VGLL2: variants seen among roughly 807,000 people sequenced by gnomAD.
VGLL2 encodes vestigial like family member 2.
Under a neutral mutation model 27.0 loss-of-function variants are expected in VGLL2, and 18 were observed. The ratio of observed to expected loss-of-function variants is 0.67; its 90% confidence interval spans 0.46 to 0.99. The LOEUF (loss-of-function observed/expected upper bound fraction) is 0.99, where lower values mean the gene tolerates loss of function less well. Among genes scored for constraint, VGLL2 ranks in the 50% least tolerant of loss-of-function variants. The pLI, the probability that VGLL2 is intolerant of heterozygous loss-of-function variation, is 0.00. For missense variants in VGLL2, 491 were observed against 452.3 expected (o/e 1.09, Z -0.78); for synonymous variants, 220 against 201.1 (o/e 1.09, Z -0.80).
At position 117,268,295 on chromosome 6, in the gene VGLL2, G is replaced by C. The variant is rs774771446; in HGVS notation, c.195G>C (p.Glu65Asp). Reference protein sequence around the residue: ...FSSQTPASIKEEEGSPEKERP... With the variant: ...FSSQTPASIKDEEGSPEKERP... ...GCCAAACCCCAGCCAGTATAAAAGA[G>C]GAAGAAGGCAGCCCAGAGAAAGAGC... Residue 65 changes from glutamate (E) to aspartate (D), a missense_variant, in exon 2 of 4, where the codon GAG (glutamate) becomes GAC (aspartate). By Grantham distance (45) the Glu-to-Asp change is conservative (BLOSUM62 2). Coordinates refer to ENST00000326274, the MANE Select transcript of VGLL2 (RefSeq NM_182645.3). 6.2e-7 allele frequency: 1 copy of C among 1,614,182 alleles called. No homozygotes were observed. The highest frequency in any genetic ancestry group is 1.7e-5 in the Admixed American group (1 of 60,018).
intron 1 of VGLL2, among the ~76,000 whole-genome samples, 178 bp from the exon 2 acceptor site, chr6:117,268,004 G>A (rs946700454): frequency 2.0e-5 from 3 of 152,104 alleles, no homozygotes; most frequent in Non-Finnish European, 4.4e-5. Context: ...GTGCAGGTTG[G>A]GAGGCCTGCT....
At position 117,271,028 on chromosome 6, in the gene VGLL2, G is replaced by T; in HGVS notation, c.877G>T (p.Asp293Tyr). 8.1e-7 allele frequency: 1 copy of T among 1,232,638 alleles called. No homozygotes were observed. The highest frequency in any genetic ancestry group is 1.0e-6 in the Non-Finnish European group (1 of 990,436). 76.4% of individuals were successfully genotyped at this position (1,232,638 alleles called of 1,614,324 possible). ...GGGACCCTTCGCGAGCCCCTCGGGG[G>T]ACGTGGCCCAGGGTCTGGGCCTCAG... ...PGGPFASPSG[D>Y]VAQGLGLSVD... Residue 293 changes from aspartate (D) to tyrosine (Y), a missense_variant, in exon 3 of 4, where the codon GAC becomes TAC. Coordinates refer to ENST00000326274, the MANE Select transcript of VGLL2 (RefSeq NM_182645.3).
chr6:117,266,356 G>A (rs551992916), intron 1 of VGLL2, among the ~76,000 whole-genome samples: 24 of 152,274 alleles, frequency 1.6e-4, no homozygotes. Flanking sequence ...TGGCGACCAG[G>A]GCAATTAATT....
At chr6:117,271,105 G>C (rs984760583) in intron 3 of VGLL2, 41 bp downstream of exon 3, 16 of 1,205,024 alleles carry the variant, frequency 1.3e-5, no homozygotes, top group Non-Finnish European at 1.5e-5. Flanking sequence ...GAGCCGCTCG[G>C]CCCCGTACCC....
chr6:117,265,716 A>G lies in VGLL2; in HGVS notation c.-48A>G, dbSNP rs1773052145. The G allele has an allele frequency of 1.3e-6, 2 of 1,545,264 alleles. No individual in the cohort carries two copies. Among genetic ancestry groups the G allele is most frequent in the Non-Finnish European group, 1.8e-6 (2 of 1,118,410 alleles). On this transcript the variant is annotated 5_prime_UTR_variant, in exon 1 of 4. Transcript: ENST00000326274. Reference sequence around the variant, plus strand: ...CATGCAGCACCCCTGAGCTCCGGGGAAGGAGAGTTAATGAAAAAACACTTA... The same window carrying G: ...CATGCAGCACCCCTGAGCTCCGGGGGAGGAGAGTTAATGAAAAAACACTTA...
intron 1 of VGLL2, 126 bp downstream of exon 1, chr6:117,265,970 G>A (rs866318124): frequency 1.4e-5 from 12 of 835,648 alleles, no homozygotes; most frequent in East Asian, 1.3e-4. Flanking sequence ...CGGCGCAGCC[G>A]GGATGCGGGG....
intron 1 of VGLL2, among the ~76,000 whole-genome samples, chr6:117,267,170 C>G (rs571454676): frequency 3.9e-5 from 6 of 152,280 alleles, no homozygotes; most frequent in Non-Finnish European, 5.9e-5. Context: ...TCCCAGACCC[C>G]GAACCAATCT....
intron 1 of VGLL2, among the ~76,000 whole-genome samples, chr6:117,266,502 C>T (rs748120193): frequency 3.9e-5 from 6 of 152,320 alleles, no homozygotes; most frequent in South Asian, 2.1e-4. Context: ...TGCCTTTCTC[C>T]AGCCTGAGTA....
chr6:117,271,620 G>T (rs1377492927), intron 3 of VGLL2, among the ~76,000 whole-genome samples: 1 of 151,748 alleles, frequency 6.6e-6, no homozygotes, highest in African/African-American at 2.4e-5. Flanking sequence ...TCCAATTCTG[G>T]CTACTAGAAT....
intron 2 of VGLL2, among the ~76,000 whole-genome samples, chr6:117,269,015 A>G (rs928480255): frequency 9.2e-5 from 14 of 152,230 alleles, no homozygotes; most frequent in South Asian, 2.1e-4. Flanking sequence ...CTGTTTGAGA[A>G]TGTCTCCTAA....
At chr6:117,266,033 G>T (rs1582496185) in intron 1 of VGLL2, among the ~76,000 whole-genome samples, 189 bp downstream of exon 1, 3 of 152,248 alleles carry the variant, frequency 2.0e-5, no homozygotes, top group Non-Finnish European at 2.9e-5. Context: ...CCTTTAGCTC[G>T]CCTGTTTGCT....
Position 117,270,611 on chromosome 6 carries a change from G to A in VGLL2, c.460G>A (p.Val154Met). ...CTGGAATAGCGCGTACCAGGCGCCA[G>A]TGCCCCCGCCGCTGGGCAGCCCTCT... is the stretch of plus-strand genomic sequence containing the variant. The part of the protein sequence containing the change: ...SFWNSAYQAP[V>M]PPPLGSPLAT... Residue 154 changes from valine (V) to methionine (M), a missense_variant, in exon 3 of 4, where the codon GTG becomes ATG. Physicochemically the swap from Val to Met is conservative, Grantham distance 21. Coordinates refer to ENST00000326274, the MANE Select transcript of VGLL2 (RefSeq NM_182645.3). The A allele has an allele frequency of 6.4e-7, 1 of 1,569,742 alleles. No homozygotes were observed. Among genetic ancestry groups the A allele is most frequent in the Middle Eastern group, 1.7e-4 (1 of 5,992 alleles).
At chr6:117,268,925 G>A (rs2128516802) in intron 2 of VGLL2, among the ~76,000 whole-genome samples, 1 of 152,262 alleles carries the variant, frequency 6.6e-6, no homozygotes, top group Middle Eastern at 3.4e-3. Context: ...GAGTGAAGGA[G>A]CTTCACTCTA....
chr6:117,270,568 C>A lies in VGLL2; in HGVS notation c.417C>A (p.Arg139=), dbSNP rs1184178863. Residue 139 remains arginine (R), a synonymous_variant, in exon 3 of 4, where the codon CGC becomes CGA. Coordinates refer to ENST00000326274, the MANE Select transcript of VGLL2 (RefSeq NM_182645.3). The stretch of plus-strand genomic sequence containing the variant: ...ACTGCTCCTTCCCGATGAGCCAGCG[C>A]AGCTTCCCCGCCTCCTTCTGGAATA... ...WRDCSFPMSQ[R]SFPASFWNSA... The A allele has an allele frequency of 6.3e-7, 1 of 1,599,196 alleles. No individual in the cohort carries two copies. The highest frequency in any genetic ancestry group is 1.7e-5 in the Admixed American group (1 of 59,194).
intron 3 of VGLL2, 148 bp from the exon 4 acceptor site, chr6:117,272,306 C>A: frequency 2.7e-6 from 4 of 1,473,488 alleles, no homozygotes; most frequent in East Asian, 2.6e-5. Context: ...TCTCTATTTT[C>A]AGGTTTGCAG....
Position 117,270,536 on chromosome 6 carries a change from C to A in VGLL2, c.392-7C>A. 6.3e-7 allele frequency: 1 copy of A among 1,589,384 alleles called. No individual in the cohort carries two copies. On this transcript the variant is annotated splice_region_variant and splice_polypyrimidine_tract_variant and intron_variant, in intron 2 of 3. Coordinates refer to ENST00000326274, the MANE Select transcript of VGLL2 (RefSeq NM_182645.3). Reference sequence around the variant, plus strand: ...TCCTCCACTCCGCCTCCCCGGCCGGCCTACAGACTGCTCCTTCCCGATGAG... The same window carrying A: ...TCCTCCACTCCGCCTCCCCGGCCGGACTACAGACTGCTCCTTCCCGATGAG...
rs1773115412 is a variant in VGLL2, at chr6:117,268,423, G to A, written c.323G>A (p.Ser108Asn). The A allele has an allele frequency of 1.2e-6, 2 of 1,614,006 alleles. No individual in the cohort carries two copies. The highest frequency in any genetic ancestry group is 2.7e-5 in the African/African-American group (2 of 74,910). Residue 108 changes from serine (S) to asparagine (N), a missense_variant, in exon 2 of 4, where the codon AGC (serine) becomes AAC (asparagine). Coordinates refer to ENST00000326274, the MANE Select transcript of VGLL2 (RefSeq NM_182645.3). ...GATGAACATTTCAGCAGGGCCCTGA[G>A]CCAACCCAGCAGCTACTCTCCTAGC... ...VVDEHFSRAL[S>N]QPSSYSPSCT...
intron 2 of VGLL2, 63 bp downstream of exon 2, chr6:117,268,554 C>T (rs1056719560): frequency 2.7e-6 from 4 of 1,455,206 alleles, no homozygotes; most frequent in Non-Finnish European, 3.7e-6. Flanking sequence ...GGTTCACCTA[C>T]AGGAGCCTAA....
chr6:117,268,931 C>T (rs770689298), intron 2 of VGLL2, among the ~76,000 whole-genome samples: 35 of 152,190 alleles, frequency 2.3e-4, no homozygotes, highest in Non-Finnish European at 4.7e-4. Context: ...AGGAGCTTCA[C>T]TCTAAAGAGC....
Sources: allele counts gnomAD v4.1 joint callset (sites outside exome capture counted in the v4.1 genomes callset), GRCh38; gene constraint gnomAD v4.1.1; transcripts MANE v1.5; gene names NCBI Gene and HGNC (gene_info 2026-07-23, HGNC 2026-07-21).